PHF20: variants seen among roughly 807,000 people sequenced by gnomAD.
PHF20 encodes the protein glioma-expressed antigen 2.
In PHF20, 23 loss-of-function variants were observed where a neutral mutation model predicts 113.5. The observed-to-expected ratio is 0.20, with a 90% CI of 0.15 to 0.29. PHF20 has a LOEUF of 0.29. Among genes scored for constraint, PHF20 ranks in the 10% least tolerant of loss-of-function variants. The pLI is 1.00. For missense variants in PHF20, 943 were observed against 1,219.6 expected (o/e 0.77, Z 3.38); for synonymous variants, 434 against 457.3 (o/e 0.95, Z 0.65).
chr20:35,805,907 T>G (rs73618527), intron 2 of PHF20, among the ~76,000 whole-genome samples: 1 of 151,364 alleles, frequency 6.6e-6, no homozygotes, highest in African/African-American at 2.4e-5. Flanking sequence ...TGTCGCCCAG[T>G]CTGGAGTGCA....
At chr20:35,935,717 CTTTG>C (rs956689076) in intron 15 of PHF20, among the ~76,000 whole-genome samples, 2 of 152,156 alleles carry the variant, frequency 1.3e-5, no homozygotes, top group Non-Finnish European at 2.9e-5. Flanking sequence ...AGAGAAATTA[CTTTG>C]TTTGTAGTAG....
chr20:35,828,691 A>G (rs984660756), intron 2 of PHF20, among the ~76,000 whole-genome samples: 1 of 152,172 alleles, frequency 6.6e-6, no homozygotes, highest in Non-Finnish European at 1.5e-5. Context: ...CAGCAGTGGC[A>G]GTGCTTTACT....
chr20:35,792,679 T>C (rs1033397551), intron 1 of PHF20, among the ~76,000 whole-genome samples: 1 of 152,116 alleles, frequency 6.6e-6, no homozygotes, highest in African/African-American at 2.4e-5. Flanking sequence ...AAAGATACGC[T>C]CTTTATGCAC....
intron 17 of PHF20, among the ~76,000 whole-genome samples, chr20:35,942,831 C>CA: frequency 6.7e-6 from 1 of 149,120 alleles, no homozygotes; most frequent in South Asian, 2.1e-4. Context: ...TTCTTTCTTT[C>CA]TTTTTTTTTT....
intron 9 of PHF20, among the ~76,000 whole-genome samples, chr20:35,894,801 C>T (rs922120123): frequency 6.6e-6 from 1 of 152,172 alleles, no homozygotes; most frequent in Non-Finnish European, 1.5e-5. Context: ...CCACACTTAG[C>T]CCCTGTACTG....
chr20:35,937,552 A>C (rs769616419), intron 15 of PHF20, among the ~76,000 whole-genome samples: 1 of 152,080 alleles, frequency 6.6e-6, no homozygotes, highest in Non-Finnish European at 1.5e-5. Context: ...CATGTAGATG[A>C]AGCCTCCAGG....
At chr20:35,931,111 A>G in intron 14 of PHF20, 138 bp from the exon 15 acceptor site, 1 of 637,166 alleles carries the variant, frequency 1.6e-6, no homozygotes, top group Non-Finnish European at 2.7e-6. Flanking sequence ...AAGAAAATGT[A>G]CACTGGATGA....
intron 1 of PHF20, among the ~76,000 whole-genome samples, chr20:35,790,040 A>G (rs1158984141): frequency 6.6e-6 from 1 of 151,048 alleles, no homozygotes; most frequent in Non-Finnish European, 1.5e-5. Flanking sequence ...TGTGTTTAGT[A>G]GAGATGGGTT....
At chr20:35,807,155 G>A (rs749216972) in intron 2 of PHF20, among the ~76,000 whole-genome samples, 1 of 151,848 alleles carries the variant, frequency 6.6e-6, no homozygotes, top group Non-Finnish European at 1.5e-5. Context: ...AAGTGTTTTT[G>A]GAGTTTTGAA....
chr20:35,925,885 G>A (rs541450731), intron 13 of PHF20, among the ~76,000 whole-genome samples: 1 of 152,042 alleles, frequency 6.6e-6, no homozygotes, highest in South Asian at 2.1e-4. Context: ...CACTTTGGGA[G>A]GCCGAGGCAG....
intron 9 of PHF20, among the ~76,000 whole-genome samples, chr20:35,888,912 T>TC (rs747308747): frequency 7.9e-5 from 12 of 152,002 alleles, no homozygotes; most frequent in Non-Finnish European, 1.8e-4. Context: ...AAATGAACTG[T>TC]CCTCCCATAG....
intron 9 of PHF20, among the ~76,000 whole-genome samples, chr20:35,884,183 C>T (rs3787173): frequency 0.098 from 14,836 of 152,108 alleles, 780 homozygotes; most frequent in South Asian, 0.15. Flanking sequence ...GGAAATAGGG[C>T]GGGACCATGA....
At chr20:35,931,504 A>T in intron 15 of PHF20, 60 bp downstream of exon 15, 2 of 1,306,198 alleles carry the variant, frequency 1.5e-6, no homozygotes, top group Non-Finnish European at 2.1e-6. Flanking sequence ...GGGGCTGAGT[A>T]AATCTGAGAA....
At chr20:35,829,534 T>G (rs575594782) in intron 2 of PHF20, among the ~76,000 whole-genome samples, 144 of 151,946 alleles carry the variant, frequency 9.5e-4, no homozygotes, top group African/African-American at 3.4e-3. Flanking sequence ...TTAGTAGAGA[T>G]GATGTTTCAC....
At chr20:35,821,730 G>A (rs1249264848) in intron 2 of PHF20, among the ~76,000 whole-genome samples, 1 of 152,164 alleles carries the variant, frequency 6.6e-6, no homozygotes, top group East Asian at 1.9e-4. Flanking sequence ...AACAAGAAGA[G>A]CAAGGATCTT....
chr20:35,939,165 C>T, intron 16 of PHF20, 57 bp downstream of exon 16: 2 of 1,468,620 alleles, frequency 1.4e-6, no homozygotes, highest in Non-Finnish European at 9.2e-7. Context: ...TGCAAGTTAT[C>T]CTCCTAGTTT....
chr20:35,795,245 GT>G (rs527868388), intron 1 of PHF20, among the ~76,000 whole-genome samples: 2 of 148,684 alleles, frequency 1.3e-5, no homozygotes, highest in Non-Finnish European at 3.0e-5. Context: ...GTACCTACTT[GT>G]TTTTTTTTGA....
At chr20:35,932,805 C>G (rs368621620) in intron 15 of PHF20, among the ~76,000 whole-genome samples, 3 of 152,236 alleles carry the variant, frequency 2.0e-5, no homozygotes, top group South Asian at 4.1e-4. Context: ...TCTCTAAAAC[C>G]CTTGTGAAAC....
intron 9 of PHF20, among the ~76,000 whole-genome samples, chr20:35,897,320 A>G (rs1361141633): frequency 6.6e-6 from 1 of 151,974 alleles, no homozygotes; most frequent in African/African-American, 2.4e-5. Context: ...TTTTTAATTG[A>G]CATGTAATAA....
Sources: allele counts gnomAD v4.1 joint callset (sites outside exome capture counted in the v4.1 genomes callset), GRCh38; gene constraint gnomAD v4.1.1; transcripts MANE v1.5; gene names NCBI Gene and HGNC (gene_info 2026-07-23, HGNC 2026-07-21).